SLC24A2: variants seen among roughly 807,000 people sequenced by gnomAD.
SLC24A2 encodes the protein sodium/potassium/calcium exchanger 2.
SLC24A2 carries 36 observed loss-of-function variants against 62.0 expected under a neutral mutation model. The observed-to-expected ratio is 0.58, with a 90% CI of 0.44 to 0.77. The LOEUF (loss-of-function observed/expected upper bound fraction) is 0.77, where lower values mean the gene tolerates loss of function less well. Ranked by LOEUF, SLC24A2 falls within the 30% of genes least tolerant of loss-of-function variation. SLC24A2 has a pLI of 0.00. For missense variants in SLC24A2, 846 were observed against 817.9 expected, an observed-to-expected ratio of 1.03 and a Z score of -0.42; for synonymous variants, 358 against 294.0, an observed-to-expected ratio of 1.22 and a Z score of -2.23.
the SLC24A2 span, among the ~76,000 whole-genome samples, chr9:20,280,753 G>T: frequency 1.2e-4 from 19 of 152,282 alleles, no homozygotes; most frequent in African/African-American, 4.3e-4. Flanking sequence ...AGGATCTCAA[G>T]ATGAGATCAC....
chr9:19,745,341 T>C lies in SLC24A2; in HGVS notation c.930+40596A>G, dbSNP rs117894789. ...CGGGTATTCCTTCATGCAATGCAAA[T>C]AGACTAACACACCACTGAATACTCT... On this transcript the variant is annotated intron_variant, in intron 2 of 10. Coordinates refer to ENST00000341998, the MANE Select transcript of SLC24A2 (RefSeq NM_020344.4). Among the ~76,000 whole-genome samples, 1,498 of 152,264 alleles carry C rather than the reference T, an allele frequency of 9.8e-3. 25 individuals carry two copies. The highest frequency in any genetic ancestry group is 0.01 in the Non-Finnish European group (697 of 68,022).
the SLC24A2 span, among the ~76,000 whole-genome samples, chr9:20,225,573 T>C: frequency 1.1e-5 from 1 of 89,968 alleles, no homozygotes; most frequent in Non-Finnish European, 1.9e-5. Context: ...TATATATATA[T>C]AATTTCATTT....
chr9:20,098,654 A>G, the SLC24A2 span, among the ~76,000 whole-genome samples: 2 of 152,224 alleles, frequency 1.3e-5, no homozygotes, highest in African/African-American at 4.8e-5. Flanking sequence ...AAGTGGAAGG[A>G]AACATTCAGA....
chr9:20,152,886 G>C, the SLC24A2 span, among the ~76,000 whole-genome samples: 1 of 151,778 alleles, frequency 6.6e-6, no homozygotes, highest in Non-Finnish European at 1.5e-5. Flanking sequence ...ACTATCTTTT[G>C]TCAAAGAGTG....
chr9:19,545,473 G>C (rs1210237940), intron 8 of SLC24A2, among the ~76,000 whole-genome samples: 1 of 151,876 alleles, frequency 6.6e-6, no homozygotes, highest in African/African-American at 2.4e-5. Flanking sequence ...TTCCATTGCT[G>C]GTGAGGAGTT....
the SLC24A2 span, among the ~76,000 whole-genome samples, chr9:20,240,019 A>G: frequency 9.2e-5 from 14 of 152,090 alleles, no homozygotes; most frequent in African/African-American, 3.1e-4. Flanking sequence ...AGCAGTAGAG[A>G]CTAGGCTAAG....
the SLC24A2 span, among the ~76,000 whole-genome samples, chr9:20,090,435 C>G: frequency 6.6e-6 from 1 of 152,132 alleles, no homozygotes; most frequent in Non-Finnish European, 1.5e-5. Context: ...GGAGCCCACG[C>G]TATCAGAGCA....
At chr9:19,537,053 G>GT (rs941234744) in intron 8 of SLC24A2, among the ~76,000 whole-genome samples, 4 of 150,076 alleles carry the variant, frequency 2.7e-5, no homozygotes, top group Admixed American at 1.3e-4. Context: ...GGGGTTGTTT[G>GT]TTTTTTTCTT....
At chr9:20,014,011 C>G in the SLC24A2 span, among the ~76,000 whole-genome samples, 3 of 152,070 alleles carry the variant, frequency 2.0e-5, no homozygotes, top group African/African-American at 7.2e-5. Flanking sequence ...GAGTTGAGAC[C>G]AGCCTCAGTA....
chr9:20,216,438 A>T, the SLC24A2 span, among the ~76,000 whole-genome samples: 1 of 152,236 alleles, frequency 6.6e-6, no homozygotes, highest in Non-Finnish European at 1.5e-5. Context: ...TACTTGTGTT[A>T]TACAAATCTA....
chr9:20,272,434 A>G, the SLC24A2 span, among the ~76,000 whole-genome samples: 201 of 152,126 alleles, frequency 1.3e-3, 1 homozygote, highest in African/African-American at 4.5e-3. Flanking sequence ...TTTTATTCCA[A>G]CTCCACAAAT....
At chr9:19,785,021 T>C (rs565241886) in intron 2 of SLC24A2, among the ~76,000 whole-genome samples, 7 of 152,374 alleles carry the variant, frequency 4.6e-5, no homozygotes, top group Admixed American at 2.6e-4. Flanking sequence ...GAAAAGTCTA[T>C]GTAGGTATTT....
At chr9:19,690,703 C>CA (rs1009741413) in intron 2 of SLC24A2, among the ~76,000 whole-genome samples, 4 of 152,112 alleles carry the variant, frequency 2.6e-5, no homozygotes, top group African/African-American at 9.7e-5. Flanking sequence ...TGGCTTTTCT[C>CA]TTTTTTCCTT....
the SLC24A2 span, among the ~76,000 whole-genome samples, chr9:19,937,631 C>T: frequency 6.6e-6 from 1 of 152,012 alleles, no homozygotes; most frequent in Admixed American, 6.5e-5. Context: ...CGGATTACAG[C>T]TAATCAATGT....
chr9:20,183,758 T>C, the SLC24A2 span, among the ~76,000 whole-genome samples: 1 of 152,146 alleles, frequency 6.6e-6, no homozygotes, highest in Non-Finnish European at 1.5e-5. Flanking sequence ...TCAGGACTGA[T>C]CTTGAGAGCT....
At chr9:19,983,904 G>T in the SLC24A2 span, among the ~76,000 whole-genome samples, 3 of 152,166 alleles carry the variant, frequency 2.0e-5, no homozygotes, top group Non-Finnish European at 4.4e-5. Context: ...TCATGAATTG[G>T]AAGATAATAC....
At chr9:20,080,304 G>A in the SLC24A2 span, among the ~76,000 whole-genome samples, 6 of 152,180 alleles carry the variant, frequency 3.9e-5, no homozygotes, top group Admixed American at 3.3e-4. Context: ...ACAGAACAGA[G>A]TGCTCAGAAA....
chr9:19,664,103 C>T (rs1280491582), intron 2 of SLC24A2, among the ~76,000 whole-genome samples: 1 of 152,208 alleles, frequency 6.6e-6, no homozygotes, highest in Non-Finnish European at 1.5e-5. Context: ...TCTGAAGTCA[C>T]ATCACGCATA....
chr9:20,264,986 G>T, the SLC24A2 span, among the ~76,000 whole-genome samples: 1 of 152,180 alleles, frequency 6.6e-6, no homozygotes, highest in South Asian at 2.1e-4. Context: ...GGATTCACCC[G>T]TGCTCCCAGC....
Sources: allele counts gnomAD v4.1 joint callset (sites outside exome capture counted in the v4.1 genomes callset), GRCh38; gene constraint gnomAD v4.1.1; transcripts MANE v1.5; gene names NCBI Gene and HGNC (gene_info 2026-07-23, HGNC 2026-07-21).